Variants in SLC24A3 observed in about 807,000 individuals in gnomAD.
SLC24A3 encodes the protein sodium/potassium/calcium exchanger 3.
SLC24A3 carries 28 observed loss-of-function variants against 75.8 expected under a neutral mutation model. That is an observed-to-expected ratio of 0.37 (90% CI 0.27 to 0.51). The LOEUF is 0.51. Among genes scored for constraint, SLC24A3 ranks in the 20% least tolerant of loss-of-function variants. The pLI is 0.94. For missense variants in SLC24A3, 663 were observed against 847.8 expected (o/e 0.78, Z 2.71); for synonymous variants, 372 against 334.1 (o/e 1.11, Z -1.24).
intron 3 of SLC24A3, among the ~76,000 whole-genome samples, chr20:19,536,271 A>G (rs970606708): frequency 6.6e-6 from 1 of 152,232 alleles, no homozygotes; most frequent in Non-Finnish European, 1.5e-5. Context: ...GTAGTCATAC[A>G]CAGTACAATG....
chr20:19,708,097 C>T (rs1412882631), intron 15 of SLC24A3, among the ~76,000 whole-genome samples: 4 of 151,992 alleles, frequency 2.6e-5, no homozygotes, highest in Non-Finnish European at 4.4e-5. Context: ...AGAAAGGGGG[C>T]CACACAGCCA....
intron 2 of SLC24A3, among the ~76,000 whole-genome samples, chr20:19,473,487 C>CT (rs1222846958): frequency 6.6e-6 from 1 of 152,242 alleles, no homozygotes; most frequent in African/African-American, 2.4e-5. Flanking sequence ...GCCTTGAGCA[C>CT]TTACTGGAAC....
rs1568595939 is a variant in SLC24A3 at position 19,346,353 on chromosome 20, ATGGTG to A, written c.271+65268_271+65272del. 3.2e-4 allele frequency among the ~76,000 whole-genome samples: 42 copies of A among 129,366 alleles called. 2 individuals are homozygous for A. The highest frequency in any genetic ancestry group is 1.1e-3 in the African/African-American group (37 of 32,194). 84.9% of individuals were successfully genotyped at this position (129,366 alleles called of 152,430 possible). A position where few individuals can be genotyped will look rare whatever the true frequency, so the allele number is the denominator to read the frequency against. On this transcript the variant is annotated intron_variant, in intron 2 of 16. Transcript: ENST00000328041. ...TGGTGTATATATATATGGTATATAT[ATGGTG>A]TATATATATGTGGTGTATATATATG...
chr20:19,542,979 C>T (rs2030527535), intron 3 of SLC24A3, among the ~76,000 whole-genome samples: 1 of 152,180 alleles, frequency 6.6e-6, no homozygotes, highest in Non-Finnish European at 1.5e-5. Flanking sequence ...ACCAACCATG[C>T]AGCCTTAAAG....
At position 19,504,389 on chromosome 20, in the gene SLC24A3, A is replaced by G. The variant is rs573707676; in HGVS notation, c.272-11099A>G. Among the ~76,000 whole-genome samples, 12 of 152,334 alleles carry G rather than the reference A, an allele frequency of 7.9e-5. No individual in the cohort carries two copies. The South Asian group carries it at 2.5e-3, about 32-fold the overall frequency. On this transcript the variant is annotated intron_variant, in intron 2 of 16. Coordinates refer to ENST00000328041, the MANE Select transcript of SLC24A3 (RefSeq NM_020689.4). ...AAACCTCCAGCCATTTAGCATGCAC[A>G]CTTCACCTTCTATAAAATAAATATT...
chr20:19,245,000 T>A (rs1198999528), intron 1 of SLC24A3, among the ~76,000 whole-genome samples: 1 of 152,070 alleles, frequency 6.6e-6, no homozygotes, highest in Non-Finnish European at 1.5e-5. Context: ...TGAAAGTGGG[T>A]TGGGGAATTG....
chr20:19,721,623 G>A lies in SLC24A3; in HGVS notation c.*483G>A, dbSNP rs111588096. The stretch of plus-strand genomic sequence containing the variant: ...GATGATGCCTAGGTTACTGGGTTTG[G>A]GGGGATTGTTTTCTTTTGGGGGCCT... On this transcript the variant is annotated 3_prime_UTR_variant, in exon 17 of 17. Coordinates refer to ENST00000328041, the MANE Select transcript of SLC24A3 (RefSeq NM_020689.4). The A allele has an allele frequency of 6.5e-6, 1 of 154,396 alleles. No individual in the cohort carries two copies. Among genetic ancestry groups the A allele is most frequent in the Non-Finnish European group, 1.4e-5 (1 of 69,506 alleles). The allele number at this position is 154,396 out of a possible 1,614,324, so 9.6% of individuals were successfully genotyped here.
chr20:19,719,296 C>A lies in SLC24A3; in HGVS notation c.1786-1695C>A, dbSNP rs75402989. Among the ~76,000 whole-genome samples, 409 of 152,176 alleles carry A rather than the reference C, an allele frequency of 2.7e-3. 1 individual carries two copies. Among genetic ancestry groups the A allele is most frequent in the African/African-American group, 9.6e-3 (399 of 41,516 alleles). On this transcript the variant is annotated intron_variant, in intron 16 of 16. Coordinates refer to ENST00000328041, the MANE Select transcript of SLC24A3 (RefSeq NM_020689.4). ...TCTGACTGTAAAGAAAGGAGAAAAA[C>A]GGAAATTCAGGAAAAAAAGTGTTAT...
chr20:19,495,843 C>G (rs1052462756), intron 2 of SLC24A3, among the ~76,000 whole-genome samples: 1 of 152,242 alleles, frequency 6.6e-6, no homozygotes, highest in Admixed American at 6.5e-5. Context: ...CTCCACAGCA[C>G]CCCAGATTTC....
At chr20:19,235,121 G>A (rs954829995) in intron 1 of SLC24A3, among the ~76,000 whole-genome samples, 1 of 152,094 alleles carries the variant, frequency 6.6e-6, no homozygotes, top group African/African-American at 2.4e-5. Flanking sequence ...GTGCTCTATC[G>A]GGGCCATTTA....
chr20:19,417,023 G>A (rs921927238), intron 2 of SLC24A3, among the ~76,000 whole-genome samples: 6 of 152,168 alleles, frequency 3.9e-5, no homozygotes, highest in Non-Finnish European at 7.3e-5. Context: ...AGAATAAACA[G>A]GAATTAGACA....
rs533854411 is a variant in SLC24A3, at chr20:19,412,361, A to G, written c.272-103127A>G. 4.3e-4 allele frequency among the ~76,000 whole-genome samples: 65 copies of G among 152,288 alleles called. 1 individual carries two copies. In the South Asian group the frequency reaches 0.012, roughly 29 times the overall value. ...GAAAGTCATGAAGAAGATTGTGACC[A>G]TTCAGGTTCCCCTGTGAGCGAAATG... On this transcript the variant is annotated intron_variant, in intron 2 of 16. Transcript: ENST00000328041.
intron 2 of SLC24A3, among the ~76,000 whole-genome samples, chr20:19,295,579 A>C (rs1020773694): frequency 6.6e-6 from 1 of 152,166 alleles, no homozygotes; most frequent in Admixed American, 6.5e-5. Flanking sequence ...GTTGAATTTT[A>C]TTGAAGGTCT....
chr20:19,533,030 T>A (rs2030329911), intron 3 of SLC24A3, among the ~76,000 whole-genome samples: 1 of 152,256 alleles, frequency 6.6e-6, no homozygotes, highest in Non-Finnish European at 1.5e-5. Context: ...CAGCATGAGC[T>A]ACCTTTCTGG....
intron 3 of SLC24A3, among the ~76,000 whole-genome samples, chr20:19,564,428 C>T (rs866374651): frequency 1.3e-4 from 20 of 152,170 alleles, no homozygotes; most frequent in Middle Eastern, 6.3e-3. Flanking sequence ...ATCTCCTCCT[C>T]ATCACCATTA....
intron 1 of SLC24A3, among the ~76,000 whole-genome samples, chr20:19,275,718 A>C (rs1983465184): frequency 6.6e-6 from 1 of 152,202 alleles, no homozygotes; most frequent in Non-Finnish European, 1.5e-5. Flanking sequence ...CTTGGCGTCC[A>C]GCCTCACTTT....
chr20:19,580,040 A>G lies in SLC24A3; in HGVS notation c.389A>G (p.Asp130Gly), dbSNP rs2031197222. ...MFYALAIVCD[D>G]FFVPSLEKIC... ...TATGCGCTGGCCATTGTGTGTGATG[A>G]CTTCTTCGTCCCTTCCTTGGAAAAG... is the stretch of plus-strand genomic sequence containing the variant. The change falls in exon 4 of 17, where the codon GAC (aspartate) becomes GGC (glycine). Residue 130 changes from aspartate to glycine, a missense_variant. By Grantham distance (94) the Asp-to-Gly change is moderately conservative. Coordinates refer to ENST00000328041, the MANE Select transcript of SLC24A3 (RefSeq NM_020689.4). 1 of 1,613,834 alleles carries G rather than the reference A, an allele frequency of 6.2e-7. No individual in the cohort carries two copies. The highest frequency in any genetic ancestry group is 1.3e-5 in the African/African-American group (1 of 74,944).
chr20:19,397,647 CTT>C (rs3057518), intron 2 of SLC24A3, among the ~76,000 whole-genome samples: 26,689 of 116,660 alleles, frequency 0.23, 1,894 homozygotes, highest in Middle Eastern at 0.43. Context: ...TTTTTCTTTT[CTT>C]TTTTTTTTTT....
intron 3 of SLC24A3, among the ~76,000 whole-genome samples, chr20:19,526,143 C>T (rs2030195276): frequency 6.6e-6 from 1 of 152,160 alleles, no homozygotes; most frequent in Non-Finnish European, 1.5e-5. Context: ...CCCTTCCTAC[C>T]CACTGAGCCA....
Sources: gnomAD v4.1 joint callset for allele counts (sites outside exome capture counted in the v4.1 genomes callset) on GRCh38, gnomAD v4.1.1 for gene constraint, MANE v1.5 for transcripts, NCBI Gene and HGNC (gene_info 2026-07-23, HGNC 2026-07-21) for gene names.